USP6: variants seen among roughly 807,000 people sequenced by gnomAD.
USP6 encodes the protein ubiquitin carboxyl-terminal hydrolase 6.
A neutral mutation model predicts 175.7 loss-of-function variants in USP6; 128 were observed. That is an observed-to-expected ratio of 0.73 (90% CI 0.63 to 0.84). The LOEUF is 0.84. USP6 is among the 40% of genes least tolerant of loss of function. USP6 has a pLI of 0.00. For synonymous variants in USP6, 562 were observed against 630.6 expected (o/e 0.89, Z 1.63); for missense variants, 1,498 against 1,760.3 (o/e 0.85, Z 2.67).
At chr17:5,127,297 C>T (rs573507072) in intron 6 of USP6, among the ~76,000 whole-genome samples, 110 of 152,300 alleles carry the variant, frequency 7.2e-4, no homozygotes, top group African/African-American at 2.4e-3. Flanking sequence ...ACTTATCTTC[C>T]GCCCCAAACC....
In USP6 at chr17:5,132,897, C is replaced by T; in HGVS notation, c.196-13C>T. The T allele has an allele frequency of 1.9e-6, 3 of 1,614,090 alleles. No homozygotes were observed. The highest frequency in any genetic ancestry group is 1.1e-5 in the South Asian group (1 of 91,080). On this transcript the variant is annotated splice_polypyrimidine_tract_variant and intron_variant, in intron 12 of 37. Coordinates refer to ENST00000574788, the MANE Select transcript of USP6 (RefSeq NM_001304284.2). The surrounding 1 kb of genome is among the most constrained non-coding windows in gnomAD (Gnocchi z 4.7). Reference sequence around the variant, plus strand: ...TGGCAGCTCCACTAACTCCAACATGCCTCATTTGACAGAAAATTCGGCGGG... The same window carrying T: ...TGGCAGCTCCACTAACTCCAACATGTCTCATTTGACAGAAAATTCGGCGGG...
chr17:5,148,527 T>C lies in USP6; in HGVS notation c.2432-29T>C. On this transcript the variant is annotated intron_variant, in intron 29 of 37. Transcript: ENST00000574788. Reference sequence around the variant, plus strand: ...CAAAGATGAAAATACCACAAGCTTATGATGCTGTACTTATCTTTGAATTTG... The same window carrying C: ...CAAAGATGAAAATACCACAAGCTTACGATGCTGTACTTATCTTTGAATTTG... 2.5e-6 allele frequency: 4 copies of C among 1,611,682 alleles called. No individual in the cohort carries two copies. The South Asian group carries it at 3.3e-5, about 13-fold the overall frequency.
At chr17:5,147,538 T>C (rs910612702) in intron 29 of USP6, among the ~76,000 whole-genome samples, 4 of 152,226 alleles carry the variant, frequency 2.6e-5, no homozygotes, top group Non-Finnish European at 5.9e-5. Flanking sequence ...CAATATTATA[T>C]GTAATTTAAT....
At position 5,130,434 on chromosome 17, in the gene USP6, G is replaced by T. The variant is rs200108387; in HGVS notation, c.67G>T (p.Asp23Tyr). Residue 23 changes from aspartate (D) to tyrosine (Y), a missense_variant, in exon 10 of 38, where the codon GAC becomes TAC. This residue lies in a region of USP6 where 281 missense variants were observed against 259.6 expected (regional missense o/e 1.08). Coordinates refer to ENST00000574788, the MANE Select transcript of USP6 (RefSeq NM_001304284.2). The stretch of plus-strand genomic sequence containing the variant: ...GCGGAAGGACATACTTATGAAGTAT[G>T]ACAAGGTACAGTTCGGTCTGCTCCT... ...QERKDILMKY[D>Y]KGHRAGLPED... 1 of 1,614,096 alleles carries T rather than the reference G, an allele frequency of 6.2e-7. No homozygotes were observed. Among genetic ancestry groups the T allele is most frequent in the South Asian group, 1.1e-5 (1 of 91,076 alleles).
rs182232657 is a variant in USP6, at chr17:5,120,667, G to C, written c.-1796G>C. 3.0e-5 allele frequency: 12 copies of C among 399,710 alleles called. No homozygotes were observed. Among genetic ancestry groups the C allele is most frequent in the African/African-American group, 1.4e-4 (7 of 48,518 alleles). 24.8% of individuals were successfully genotyped at this position (399,710 alleles called of 1,614,324 possible). A position where few individuals can be genotyped will look rare whatever the true frequency, so the allele number is the denominator to read the frequency against. ...TGAGGTCAGGTGGATGAGGATGTCA[G>C]TGTGAAGATGGACACTGTGCCTGGA... On this transcript the variant is annotated 5_prime_UTR_variant, in exon 3 of 38. Coordinates refer to ENST00000574788, the MANE Select transcript of USP6 (RefSeq NM_001304284.2).
At chr17:5,172,739 T>A (rs541856522) in intron 37 of USP6, 66 bp from the exon 38 acceptor site, 1 of 1,590,052 alleles carries the variant, frequency 6.3e-7, no homozygotes, top group Non-Finnish European at 8.6e-7. Context: ...GTCTTCCCTT[T>A]CCTGGCAAGG....
intron 33 of USP6, 76 bp from the exon 34 acceptor site, chr17:5,167,856 C>T (rs113090750): frequency 1.1e-5 from 17 of 1,495,658 alleles, no homozygotes; most frequent in African/African-American, 8.3e-5. Flanking sequence ...AGTGACCGAG[C>T]GGTTGATGCA....
intron 30 of USP6, among the ~76,000 whole-genome samples, chr17:5,150,470 T>C (rs2073737908): frequency 6.6e-6 from 1 of 151,742 alleles, no homozygotes; most frequent in African/African-American, 2.4e-5. Context: ...TACCATAAAT[T>C]TGGTGGCTTT....
At chr17:5,160,299 A>G (rs1031021650) in intron 31 of USP6, among the ~76,000 whole-genome samples, 6 of 152,170 alleles carry the variant, frequency 3.9e-5, no homozygotes, top group Admixed American at 2.0e-4. Context: ...ATTACCTTCA[A>G]TAGCCCATGT....
At position 5,116,587 on chromosome 17, in the gene USP6, G is replaced by A. The variant is rs1428036074; in HGVS notation, c.-2081G>A. On this transcript the variant is annotated 5_prime_UTR_variant, in exon 1 of 38. Coordinates refer to ENST00000574788, the MANE Select transcript of USP6 (RefSeq NM_001304284.2). ...TGCCTTACGATGGCCGTGGCCCGTG[G>A]AGGCACTAGACCCTCACCAGGGGTC... 1 of 152,340 alleles carries A rather than the reference G, an allele frequency of 6.6e-6. No individual in the cohort carries two copies. The highest frequency in any genetic ancestry group is 2.1e-4 in the South Asian group (1 of 4,830). 9.4% of individuals were successfully genotyped at this position (152,340 alleles called of 1,614,324 possible).
chr17:5,158,690 G>A (rs1019903346), intron 31 of USP6, among the ~76,000 whole-genome samples: 6 of 132,320 alleles, frequency 4.5e-5, no homozygotes, highest in Non-Finnish European at 6.3e-5. Flanking sequence ...GAAGCAGCCC[G>A]TAATGTAAGA....
intron 4 of USP6, among the ~76,000 whole-genome samples, chr17:5,124,282 A>G (rs755778586): frequency 2.6e-5 from 4 of 152,142 alleles, no homozygotes; most frequent in African/African-American, 9.7e-5. Context: ...TGAGTGATGC[A>G]ATGAGGTTGG....
In USP6 at chr17:5,147,212, C is replaced by G; in HGVS notation, c.2431+18C>G. On this transcript the variant is annotated intron_variant, in intron 29 of 37. Transcript: ENST00000574788. ...ACAAATAGGTAAGATAGAACTAGAA[C>G]TCCTTCTCATGACTGCACCTTTAAA... 1 of 1,593,146 alleles carries G rather than the reference C, an allele frequency of 6.3e-7. No individual in the cohort carries two copies. Among genetic ancestry groups the G allele is most frequent in the Admixed American group, 1.7e-5 (1 of 59,012 alleles).
Position 5,137,655 on chromosome 17 carries a change from C to T in USP6, c.830C>T (p.Ser277Phe), listed in dbSNP as rs1393422424. The change falls in exon 20 of 38, where the codon TCT (serine) becomes TTT (phenylalanine). Residue 277 changes from serine to phenylalanine, a missense_variant. Ser to Phe is a radical substitution (Grantham distance 155). This residue lies in a region of USP6 where 1,217 missense variants were observed against 1,500.8 expected (regional missense o/e 0.81). Transcript: ENST00000574788. ...TCATACCTGCTGTCCCCACAGATCT[C>T]TCTCGGGCTCACCCTGCGCCTGTGG... ...CLLRNLIDGI[S>F]LGLTLRLWDV... The T allele has an allele frequency of 6.2e-7, 1 of 1,605,240 alleles. No individual in the cohort carries two copies. Among genetic ancestry groups the T allele is most frequent in the South Asian group, 1.1e-5 (1 of 91,010 alleles).
In USP6 at chr17:5,132,291, T is replaced by G; in HGVS notation, c.156-105T>G. The G allele has an allele frequency of 1.2e-6, 2 of 1,609,984 alleles. No homozygotes were observed. The highest frequency in any genetic ancestry group is 1.1e-5 in the South Asian group (1 of 90,944). On this transcript the variant is annotated intron_variant, in intron 11 of 37. Transcript: ENST00000574788. This position sits in a 1 kb window ranked among gnomAD's most constrained non-coding sequence, Gnocchi z 4.7. ...CTGTGCCTTCTCCCGGGCTGAGCCC[T>G]GAGCTGGATAGGGACAGAGCCAGTC... is the stretch of plus-strand genomic sequence containing the variant.
chr17:5,136,075 A>G, intron 17 of USP6, 147 bp downstream of exon 17: 1 of 1,469,664 alleles, frequency 6.8e-7, no homozygotes, highest in Non-Finnish European at 9.1e-7. Context: ...AGGGTCCCAC[A>G]GGAGTCCGCA....
chr17:5,137,009 T>C, intron 18 of USP6, 112 bp from the exon 19 acceptor site: 1 of 1,294,204 alleles, frequency 7.7e-7, no homozygotes, highest in South Asian at 1.2e-5. Context: ...TGTGGGGAGT[T>C]CTGGACACCG....
chr17:5,150,110 G>A (rs1294134401), intron 30 of USP6, among the ~76,000 whole-genome samples: 2 of 152,062 alleles, frequency 1.3e-5, no homozygotes, highest in Non-Finnish European at 2.9e-5. Flanking sequence ...TGGCCAATAT[G>A]GTGAAACCCC....
rs2072847513 is a variant in USP6 at position 5,125,208 on chromosome 17, C to G, written c.-656C>G. 1 of 158,154 alleles carries G rather than the reference C, an allele frequency of 6.3e-6. No individual in the cohort carries two copies. The highest frequency in any genetic ancestry group is 1.4e-5 in the Non-Finnish European group (1 of 72,712). 9.8% of individuals were successfully genotyped at this position (158,154 alleles called of 1,614,324 possible). ...CTGATGATCTGTGACTGTCTCATCACTGCCAGATGGAACCACGTAGTTGCA... is the reference window on the plus strand; with the variant it reads ...CTGATGATCTGTGACTGTCTCATCAGTGCCAGATGGAACCACGTAGTTGCA... On this transcript the variant is annotated 5_prime_UTR_variant, in exon 5 of 38. Transcript: ENST00000574788.
Sources: gnomAD v4.1 joint callset for allele counts (sites outside exome capture counted in the v4.1 genomes callset) on GRCh38, gnomAD v4.1.1 for gene constraint, gnomAD v4.1.1 regional missense constraint, Gnocchi (gnomAD v3.1) non-coding constraint, MANE v1.5 for transcripts, NCBI Gene and HGNC (gene_info 2026-07-23, HGNC 2026-07-21) for gene names.